Variants in FRMD4A observed in about 807,000 individuals in gnomAD.
The protein encoded by FRMD4A is FERM domain-containing protein 4A.
FRMD4A carries 29 observed loss-of-function variants against 129.1 expected under a neutral mutation model. The observed-to-expected ratio is 0.22, with a 90% confidence interval of 0.17 to 0.31. The LOEUF (loss-of-function observed/expected upper bound fraction) is 0.31, where lower values mean the gene tolerates loss of function less well. FRMD4A is among the 10% of genes least tolerant of loss of function. The pLI is 1.00. For synonymous variants in FRMD4A, 634 were observed against 571.6 expected, an observed-to-expected ratio of 1.11 and a Z score of -1.56; for missense variants, 1,272 against 1,375.8, an observed-to-expected ratio of 0.92 and a Z score of 1.19.
intron 24 of FRMD4A, chr10:13,649,111 A>G (rs1359736353): frequency 6.6e-6 from 1 of 152,210 alleles, no homozygotes; most frequent in African/African-American, 2.4e-5. Context: ...AAATGGGCTA[A>G]TATTATGAAA....
At chr10:13,693,036 T>G (rs962641369) in intron 15 of FRMD4A, 1 of 100,280 alleles carries the variant, frequency 1.0e-5, no homozygotes, top group Non-Finnish European at 2.6e-5. Flanking sequence ...GCTAATTAAT[T>G]TTTTTTTTTT....
chr10:13,845,110 C>T (rs1246636677), intron 3 of FRMD4A, among the ~76,000 whole-genome samples: 3 of 152,120 alleles, frequency 2.0e-5, no homozygotes, highest in Non-Finnish European at 4.4e-5. Flanking sequence ...GGGACGCAAC[C>T]ATTGAAATCA....
At chr10:13,864,494 T>C (rs960428921) in intron 2 of FRMD4A, among the ~76,000 whole-genome samples, 4 of 152,112 alleles carry the variant, frequency 2.6e-5, no homozygotes, top group African/African-American at 9.7e-5. Flanking sequence ...CTGTGTCTTT[T>C]TGGTTTAGCC....
intron 2 of FRMD4A, among the ~76,000 whole-genome samples, chr10:13,910,949 C>T (rs2131225877): frequency 7.3e-6 from 1 of 137,512 alleles, no homozygotes; most frequent in Non-Finnish European, 1.5e-5. Context: ...GAAAACTTGT[C>T]TTTTAAGGGA....
chr10:14,114,572 TG>T (rs1225415851), intron 2 of FRMD4A, among the ~76,000 whole-genome samples: 2 of 152,196 alleles, frequency 1.3e-5, no homozygotes, highest in African/African-American at 4.8e-5. Context: ...CAGAAAGGAA[TG>T]ACCACTGCAA....
chr10:14,162,084 A>C (rs1840918080), intron 2 of FRMD4A, among the ~76,000 whole-genome samples: 1 of 151,694 alleles, frequency 6.6e-6, no homozygotes, highest in Non-Finnish European at 1.5e-5. Flanking sequence ...ATCATGTAAT[A>C]AATAGAAAAA....
intron 8 of FRMD4A, among the ~76,000 whole-genome samples, chr10:13,748,985 C>T (rs1362060725): frequency 6.6e-6 from 1 of 152,144 alleles, no homozygotes; most frequent in Non-Finnish European, 1.5e-5. Flanking sequence ...TTTAAACTCC[C>T]CTAGCTTAAC....
chr10:13,971,538 A>T, intron 2 of FRMD4A: 1 of 525,314 alleles, frequency 1.9e-6, no homozygotes, highest in Non-Finnish European at 3.4e-6. Flanking sequence ...GCTCCCTGTT[A>T]AATGTAACAT....
At chr10:14,154,059 T>C (rs1198807686) in intron 2 of FRMD4A, among the ~76,000 whole-genome samples, 2 of 152,134 alleles carry the variant, frequency 1.3e-5, no homozygotes, top group Non-Finnish European at 2.9e-5. Context: ...GAGGGACCCA[T>C]TCCCTGTCTT....
At chr10:13,684,774 G>A in intron 15 of FRMD4A, 3 of 983,994 alleles carry the variant, frequency 3.0e-6, no homozygotes, top group Non-Finnish European at 3.6e-6. Flanking sequence ...CTGGAAGGAG[G>A]GGAAACTTCA....
chr10:14,165,811 C>G (rs1589112626), intron 2 of FRMD4A, among the ~76,000 whole-genome samples: 1 of 152,222 alleles, frequency 6.6e-6, no homozygotes, highest in East Asian at 1.9e-4. Context: ...ATTGAGTACT[C>G]ATGGACATAA....
chr10:14,032,365 CA>C (rs1310300611), intron 2 of FRMD4A, among the ~76,000 whole-genome samples: 1 of 152,162 alleles, frequency 6.6e-6, no homozygotes, highest in African/African-American at 2.4e-5. Context: ...TGCTAATTGC[CA>C]AATGTCTGTC....
chr10:14,118,435 C>T (rs1277398531), intron 2 of FRMD4A, among the ~76,000 whole-genome samples: 1 of 152,176 alleles, frequency 6.6e-6, no homozygotes, highest in African/African-American at 2.4e-5. Context: ...ATCTTCTTCC[C>T]CTGAATGCCC....
chr10:14,236,491 T>C (rs1480317829), intron 2 of FRMD4A, among the ~76,000 whole-genome samples: 1 of 152,178 alleles, frequency 6.6e-6, no homozygotes, highest in Non-Finnish European at 1.5e-5. Flanking sequence ...GCTGGCCCCA[T>C]ACCACTGGAT....
chr10:14,120,623 C>T (rs1217542273), intron 2 of FRMD4A, among the ~76,000 whole-genome samples: 4 of 152,198 alleles, frequency 2.6e-5, no homozygotes, highest in Non-Finnish European at 4.4e-5. Flanking sequence ...TTCCCCAAAC[C>T]TTCTTCCTGA....
At chr10:13,975,017 G>C (rs117901820) in intron 2 of FRMD4A, among the ~76,000 whole-genome samples, 1,749 of 152,146 alleles carry the variant, frequency 0.011, 17 homozygotes, top group Non-Finnish European at 0.019. Flanking sequence ...GCATGTGTGT[G>C]TCTGTGCGTG....
chr10:14,207,322 G>A (rs146509088), intron 2 of FRMD4A, among the ~76,000 whole-genome samples: 42 of 152,088 alleles, frequency 2.8e-4, no homozygotes, highest in Non-Finnish European at 4.1e-4. Flanking sequence ...TGATGGTTTC[G>A]GGATGATTCA....
intron 2 of FRMD4A, among the ~76,000 whole-genome samples, chr10:14,125,973 T>G (rs1382422090): frequency 2.0e-5 from 3 of 152,218 alleles, no homozygotes; most frequent in African/African-American, 7.2e-5. Context: ...CTTTATTTAC[T>G]AAACCGATGA....
chr10:14,193,517 G>A (rs1486614494), intron 2 of FRMD4A, among the ~76,000 whole-genome samples: 1 of 141,058 alleles, frequency 7.1e-6, no homozygotes, highest in Non-Finnish European at 1.5e-5. Context: ...AACTTGTAGA[G>A]TGAATGTAAA....
Sources: allele counts gnomAD v4.1 joint callset (sites outside exome capture counted in the v4.1 genomes callset), GRCh38; gene constraint gnomAD v4.1.1; transcripts MANE v1.5; gene names NCBI Gene and HGNC (gene_info 2026-07-23, HGNC 2026-07-21).